The following GALNT11 variants were observed in gnomAD, a reference collection of about 807,000 sequenced individuals.
The protein encoded by GALNT11 is UDP-GalNAc:polypeptide N-acetylgalactosaminyltransferase 11.
A neutral mutation model predicts 72.7 loss-of-function variants in GALNT11; 47 were observed. That is an observed-to-expected ratio of 0.65 (90% CI 0.51 to 0.82). GALNT11 has a LOEUF of 0.82. Among genes scored for constraint, GALNT11 ranks in the 40% least tolerant of loss-of-function variants. The pLI is 0.00. For missense variants in GALNT11, 677 were observed against 778.4 expected (o/e 0.87, Z 1.55); for synonymous variants, 270 against 286.6 (o/e 0.94, Z 0.58).
At chr7:152,028,459 T>G (rs1333090253) in intron 1 of GALNT11, among the ~76,000 whole-genome samples, 1 of 152,166 alleles carries the variant, frequency 6.6e-6, no homozygotes, top group African/African-American at 2.4e-5. Context: ...CCCAGTTAGC[T>G]AGTCACAGAG....
intron 1 of GALNT11, among the ~76,000 whole-genome samples, chr7:152,033,968 G>T (rs565434053): frequency 6.6e-6 from 1 of 152,316 alleles, no homozygotes; most frequent in African/African-American, 2.4e-5. Context: ...TCGAAGGTTT[G>T]CCCTAGACCA....
chr7:152,077,376 T>C (rs2085050535), intron 1 of GALNT11, among the ~76,000 whole-genome samples: 1 of 152,216 alleles, frequency 6.6e-6, no homozygotes, highest in Non-Finnish European at 1.5e-5. Context: ...CTATTTGCTG[T>C]TCTGGAAGAG....
chr7:152,042,912 C>T (rs892804172), intron 1 of GALNT11, among the ~76,000 whole-genome samples: 7 of 152,206 alleles, frequency 4.6e-5, no homozygotes, highest in Non-Finnish European at 7.3e-5. Flanking sequence ...GCCACGCAGA[C>T]GGCCAGTGCT....
chr7:152,114,541 T>C (rs1038124707), intron 8 of GALNT11, among the ~76,000 whole-genome samples: 2 of 151,998 alleles, frequency 1.3e-5, no homozygotes, highest in Non-Finnish European at 2.9e-5. Flanking sequence ...CACCAGCTGA[T>C]CAACATTTAG....
intron 1 of GALNT11, among the ~76,000 whole-genome samples, chr7:152,046,157 G>C (rs1469279882): frequency 6.6e-6 from 1 of 152,068 alleles, no homozygotes; most frequent in South Asian, 2.1e-4. Flanking sequence ...GAAGATACTT[G>C]ATATAATTTC....
intron 1 of GALNT11, among the ~76,000 whole-genome samples, chr7:152,073,710 C>T (rs901770878): frequency 6.6e-6 from 1 of 152,116 alleles, no homozygotes; most frequent in Non-Finnish European, 1.5e-5. Context: ...TTTTGAGGAG[C>T]CTCTATACTG....
In GALNT11 at chr7:152,113,191, T is replaced by C. The variant is rs183616181; in HGVS notation, c.1081-55T>C. ...ATTAATTTCATTGAAAATTCATACA[T>C]TGGTTTCACAACAACATGAGGCAAC... On this transcript the variant is annotated intron_variant, in intron 7 of 11. Transcript: ENST00000430044. 2.4e-4 allele frequency: 367 copies of C among 1,520,536 alleles called. 4 individuals carry two copies. In the East Asian group the frequency reaches 8.5e-3, roughly 35 times the overall value. 94.2% of individuals were successfully genotyped at this position (1,520,536 alleles called of 1,614,324 possible).
At chr7:152,043,554 A>G (rs946755938) in intron 1 of GALNT11, among the ~76,000 whole-genome samples, 1 of 152,194 alleles carries the variant, frequency 6.6e-6, no homozygotes, top group African/African-American at 2.4e-5. Flanking sequence ...GGTGTACTCT[A>G]ACAGGGAACT....
At chr7:152,028,957 G>A (rs1186017837) in intron 1 of GALNT11, among the ~76,000 whole-genome samples, 1 of 152,168 alleles carries the variant, frequency 6.6e-6, no homozygotes, top group Admixed American at 6.5e-5. Context: ...AAAATACAGG[G>A]CCCGAAGGCA....
chr7:152,063,343 A>ATTC (rs1472247849), intron 1 of GALNT11, among the ~76,000 whole-genome samples: 1 of 151,480 alleles, frequency 6.6e-6, no homozygotes, highest in East Asian at 1.9e-4. Flanking sequence ...CGTCTATTTG[A>ATTC]TTCTTCTCTT....
intron 1 of GALNT11, among the ~76,000 whole-genome samples, chr7:152,037,367 G>T (rs1232233363): frequency 6.6e-6 from 1 of 152,126 alleles, no homozygotes; most frequent in East Asian, 1.9e-4. Context: ...AAATGAGTTC[G>T]CTGTAGATGT....
At chr7:152,118,983 T>C in intron 10 of GALNT11, 1 of 386,262 alleles carries the variant, frequency 2.6e-6, no homozygotes, top group South Asian at 7.8e-5. Flanking sequence ...CGCCAGGGTC[T>C]GATTTTTCAC....
intron 1 of GALNT11, among the ~76,000 whole-genome samples, chr7:152,063,604 T>C (rs2084140647): frequency 1.3e-5 from 2 of 152,252 alleles, no homozygotes; most frequent in Admixed American, 6.5e-5. Context: ...CATTTAGTGC[T>C]ATAAATTTCC....
At chr7:152,110,347 G>A (rs890368815) in intron 6 of GALNT11, among the ~76,000 whole-genome samples, 181 bp from the exon 7 acceptor site, 2 of 152,154 alleles carry the variant, frequency 1.3e-5, no homozygotes, top group African/African-American at 4.8e-5. Context: ...CATATTATTA[G>A]CAATCTAGAA....
At chr7:152,046,221 A>T (rs1164932386) in intron 1 of GALNT11, among the ~76,000 whole-genome samples, 1 of 152,176 alleles carries the variant, frequency 6.6e-6, no homozygotes, top group South Asian at 2.1e-4. Context: ...TAGACCTAAC[A>T]TATGGTCTAT....
At position 152,092,271 on chromosome 7, in the gene GALNT11, T is replaced by C. The variant is rs941206374; in HGVS notation, c.-38-1919T>C. On this transcript the variant is annotated intron_variant, in intron 1 of 11. Coordinates refer to ENST00000430044, the MANE Select transcript of GALNT11 (RefSeq NM_022087.4). ...TCTGTACATTTTTGTTGCAATATTT[T>C]TGTTACAAAGTTGCACATTGCAATT... Among the ~76,000 whole-genome samples, 11 of 152,250 alleles carry C rather than the reference T, an allele frequency of 7.2e-5. No individual in the cohort carries two copies. In the East Asian group the frequency reaches 2.1e-3, roughly 29 times the overall value.
rs754741694 is a variant in GALNT11 at position 152,072,314 on chromosome 7, CAAAAAAA to C, written c.-38-21864_-38-21858del. ...TAGGTGACAGAGTGAGACTCCGTCT[CAAAAAAA>C]AAAAAAAAAAAGAAAAAAGAAATTC... On this transcript the variant is annotated intron_variant, in intron 1 of 11. Coordinates refer to ENST00000430044, the MANE Select transcript of GALNT11 (RefSeq NM_022087.4). Among the ~76,000 whole-genome samples the C allele has an allele frequency of 6.9e-4, 43 of 62,314 alleles. 1 individual carries two copies. In the South Asian group the frequency reaches 0.015, roughly 22 times the overall value. The allele number at this position is 62,314 out of a possible 152,430, so 40.9% of individuals were successfully genotyped here.
At chr7:152,072,338 AAG>A (rs2084704243) in intron 1 of GALNT11, among the ~76,000 whole-genome samples, 1 of 152,082 alleles carries the variant, frequency 6.6e-6, no homozygotes, top group East Asian at 1.9e-4. Flanking sequence ...AAAAAGAAAA[AAG>A]AAATTCTAAT....
chr7:152,100,756 C>T, intron 2 of GALNT11, 42 bp from the exon 3 acceptor site: 1 of 1,605,078 alleles, frequency 6.2e-7, no homozygotes, highest in Non-Finnish European at 8.5e-7. Context: ...TAACATGATA[C>T]TTTCTAGATT....
Sources: allele counts gnomAD v4.1 joint callset (sites outside exome capture counted in the v4.1 genomes callset), GRCh38; gene constraint gnomAD v4.1.1; transcripts MANE v1.5; gene names NCBI Gene and HGNC (gene_info 2026-07-23, HGNC 2026-07-21).